Variants in DIP2B observed in about 807,000 individuals in gnomAD.
DIP2B encodes the protein DIP2 acetate--CoA ligase B (putative).
DIP2B carries 76 observed loss-of-function variants against 198.0 expected under a neutral mutation model. The ratio of observed to expected loss-of-function variants is 0.38; its 90% CI spans 0.32 to 0.46. The LOEUF (loss-of-function observed/expected upper bound fraction) is 0.46. DIP2B is among the 20% of genes least tolerant of loss of function. DIP2B has a pLI of 0.99. For synonymous variants in DIP2B, 701 were observed against 739.1 expected (o/e 0.95, Z 0.84); for missense variants, 1,559 against 1,978.4 (o/e 0.79, Z 4.02).
In DIP2B at chr12:50,640,730, A is replaced by AT; in HGVS notation, c.181dup (p.Ser61PhefsTer8). 1 of 1,613,014 alleles carries AT rather than the reference A, an allele frequency of 6.2e-7. No homozygotes were observed. Among genetic ancestry groups the AT allele is most frequent in the East Asian group, 2.2e-5 (1 of 44,852 alleles). ...TTTAAACTTCCTTTTTTAGAAACTG[A>AT]TTCAGCAGTACAGAAAGAACTTAGA... On this transcript the variant is annotated frameshift_variant, in exon 3 of 38. Coordinates refer to ENST00000301180, the MANE Select transcript of DIP2B (RefSeq NM_173602.3). LOFTEE classifies it high-confidence loss of function.
intron 1 of DIP2B, among the ~76,000 whole-genome samples, chr12:50,622,347 A>G (rs912251821): frequency 2.0e-5 from 3 of 152,232 alleles, no homozygotes; most frequent in Admixed American, 6.5e-5. Context: ...GTATTTTACT[A>G]GGGAAACAGA....
In DIP2B at chr12:50,567,774, C is replaced by T. The variant is rs557780002; in HGVS notation, c.101-58202C>T. Among the ~76,000 whole-genome samples, 8 of 152,294 alleles carry T rather than the reference C, an allele frequency of 5.3e-5. No individual in the cohort carries two copies. In the East Asian group the frequency reaches 1.2e-3, roughly 22 times the overall value. On this transcript the variant is annotated intron_variant, in intron 1 of 37. Coordinates refer to ENST00000301180, the MANE Select transcript of DIP2B (RefSeq NM_173602.3). ...AACTCCTGACCTCAGATGATCTGCCCGCCTTGGCTTCCCAAAGTGCTGGGA... is the reference window on the plus strand; with the variant it reads ...AACTCCTGACCTCAGATGATCTGCCTGCCTTGGCTTCCCAAAGTGCTGGGA...
At chr12:50,516,399 C>T (rs925391083) in intron 1 of DIP2B, among the ~76,000 whole-genome samples, 1 of 152,060 alleles carries the variant, frequency 6.6e-6, no homozygotes, top group African/African-American at 2.4e-5. Flanking sequence ...GGATTACAGG[C>T]GTGTGCCACC....
chr12:50,713,953 T>C (rs1024025148), intron 22 of DIP2B, among the ~76,000 whole-genome samples: 1 of 152,162 alleles, frequency 6.6e-6, no homozygotes, highest in African/African-American at 2.4e-5. Flanking sequence ...TTATTTTAAA[T>C]TAGCCAGACG....
chr12:50,668,582 T>A (rs555772955), intron 4 of DIP2B, among the ~76,000 whole-genome samples: 2 of 152,226 alleles, frequency 1.3e-5, no homozygotes, highest in Non-Finnish European at 1.5e-5. Context: ...AACCTAATCA[T>A]GAAAATACTG....
At chr12:50,567,509 C>T (rs1158200774) in intron 1 of DIP2B, among the ~76,000 whole-genome samples, 4 of 151,202 alleles carry the variant, frequency 2.6e-5, no homozygotes, top group Non-Finnish European at 4.4e-5. Flanking sequence ...TGGAGCATGG[C>T]TATAATAACC....
At chr12:50,590,723 C>CCTCTT (rs1320462449) in intron 1 of DIP2B, among the ~76,000 whole-genome samples, 1 of 152,178 alleles carries the variant, frequency 6.6e-6, no homozygotes, top group Non-Finnish European at 1.5e-5. Flanking sequence ...TTATTATGAT[C>CCTCTT]ATTTCCAGTG....
intron 30 of DIP2B, among the ~76,000 whole-genome samples, chr12:50,730,536 CGCCT>C (rs1221747866): frequency 2.6e-5 from 4 of 151,778 alleles, no homozygotes; most frequent in Admixed American, 6.6e-5. Flanking sequence ...TGTGCCACCA[CGCCT>C]GGCTAATTGT....
chr12:50,570,745 A>G (rs562502571), intron 1 of DIP2B, among the ~76,000 whole-genome samples: 7 of 152,374 alleles, frequency 4.6e-5, no homozygotes, highest in Non-Finnish European at 8.8e-5. Flanking sequence ...TAAAATAAAG[A>G]TATAGGCATT....
chr12:50,599,102 C>A (rs573577989), intron 1 of DIP2B, among the ~76,000 whole-genome samples: 1 of 144,052 alleles, frequency 6.9e-6, no homozygotes, highest in Non-Finnish European at 1.5e-5. Context: ...CCAGCCTGGG[C>A]GACATGGCAA....
At chr12:50,627,386 C>T (rs183612617) in intron 2 of DIP2B, among the ~76,000 whole-genome samples, 3 of 152,038 alleles carry the variant, frequency 2.0e-5, no homozygotes, top group South Asian at 2.1e-4. Flanking sequence ...CAGGCGGGAG[C>T]GCAGTGGTGC....
At chr12:50,688,844 C>T (rs1221746141) in intron 12 of DIP2B, among the ~76,000 whole-genome samples, 6 of 152,036 alleles carry the variant, frequency 3.9e-5, no homozygotes, top group Admixed American at 2.6e-4. Flanking sequence ...ATTGGCTCTC[C>T]GAAAGGTGGA....
chr12:50,528,083 A>T (rs895648747), intron 1 of DIP2B, among the ~76,000 whole-genome samples: 1 of 151,982 alleles, frequency 6.6e-6, no homozygotes, highest in African/African-American at 2.4e-5. Context: ...ATGCACCACC[A>T]TGCCCAGCTA....
At chr12:50,573,896 TATTTA>T (rs1958636210) in intron 1 of DIP2B, among the ~76,000 whole-genome samples, 1 of 152,264 alleles carries the variant, frequency 6.6e-6, no homozygotes, top group Non-Finnish European at 1.5e-5. Context: ...TTATGAATCA[TATTTA>T]AGTATTTGGA....
chr12:50,583,260 T>C (rs1395046091), intron 1 of DIP2B, among the ~76,000 whole-genome samples: 1 of 152,098 alleles, frequency 6.6e-6, no homozygotes, highest in African/African-American at 2.4e-5. Flanking sequence ...TAGAAATCTT[T>C]CCAGAGTGAT....
At chr12:50,717,359 C>CTTTT (rs137945712) in intron 23 of DIP2B, among the ~76,000 whole-genome samples, 1 of 46,864 alleles carries the variant, frequency 2.1e-5, no homozygotes, top group East Asian at 7.7e-4. Flanking sequence ...CTCACTGCAG[C>CTTTT]TTTTTTTTTT....
chr12:50,577,156 A>G (rs889777366), intron 1 of DIP2B, among the ~76,000 whole-genome samples: 4 of 152,124 alleles, frequency 2.6e-5, no homozygotes, highest in Non-Finnish European at 4.4e-5. Flanking sequence ...TGGTTTTCCA[A>G]CTTTACACTC....
chr12:50,670,010 T>C (rs907538303), intron 4 of DIP2B, among the ~76,000 whole-genome samples: 2 of 152,192 alleles, frequency 1.3e-5, no homozygotes, highest in African/African-American at 4.8e-5. Flanking sequence ...TAGAAAGGTT[T>C]ATCTCACATT....
chr12:50,685,032 T>G (rs1939110127), intron 10 of DIP2B, among the ~76,000 whole-genome samples: 1 of 151,934 alleles, frequency 6.6e-6, no homozygotes, highest in African/African-American at 2.4e-5. Flanking sequence ...GTGGAAGTTG[T>G]AGTGAGCCGA....
Sources: allele counts gnomAD v4.1 joint callset (sites outside exome capture counted in the v4.1 genomes callset), GRCh38; gene constraint gnomAD v4.1.1; transcripts MANE v1.5; gene names NCBI Gene and HGNC (gene_info 2026-07-23, HGNC 2026-07-21).